Variants in CNTNAP5 observed in about 807,000 individuals in gnomAD.
The protein encoded by CNTNAP5 is contactin associated protein family member 5.
CNTNAP5 carries 72 observed loss-of-function variants against 150.2 expected under a neutral mutation model. The ratio of observed to expected loss-of-function variants is 0.48; its 90% confidence interval spans 0.40 to 0.58. The LOEUF (loss-of-function observed/expected upper bound fraction) is 0.58, where lower values mean the gene tolerates loss of function less well. Ranked by LOEUF, CNTNAP5 falls within the 20% of genes least tolerant of loss-of-function variation. CNTNAP5 has a pLI of 0.00. For synonymous variants in CNTNAP5, 672 were observed against 619.8 expected, an observed-to-expected ratio of 1.08 and a Z score of -1.25; for missense variants, 1,636 against 1,626.2, an observed-to-expected ratio of 1.01 and a Z score of -0.10.
chr2:124,192,287 C>A (rs1294547894), intron 1 of CNTNAP5, among the ~76,000 whole-genome samples: 1 of 152,146 alleles, frequency 6.6e-6, no homozygotes, highest in Non-Finnish European at 1.5e-5. Flanking sequence ...CTCTCTGCTA[C>A]CACAGTTGGC....
intron 1 of CNTNAP5, among the ~76,000 whole-genome samples, chr2:124,180,309 G>C (rs1385643090): frequency 6.6e-6 from 1 of 152,082 alleles, no homozygotes; most frequent in African/African-American, 2.4e-5. Flanking sequence ...TTGTTTTCTG[G>C]AAGCGCTTGG....
intron 1 of CNTNAP5, among the ~76,000 whole-genome samples, chr2:124,029,822 T>C (rs1265723689): frequency 6.6e-6 from 1 of 152,092 alleles, no homozygotes; most frequent in African/African-American, 2.4e-5. Flanking sequence ...AGTCTTCGAG[T>C]TGATAAGCCA....
chr2:124,781,062 T>C (rs2104620340), intron 17 of CNTNAP5, among the ~76,000 whole-genome samples: 1 of 152,340 alleles, frequency 6.6e-6, no homozygotes, highest in South Asian at 2.1e-4. Context: ...TGAGGGACAG[T>C]GGTCTGATTC....
At chr2:124,306,330 C>T (rs959157431) in intron 3 of CNTNAP5, among the ~76,000 whole-genome samples, 1 of 152,140 alleles carries the variant, frequency 6.6e-6, no homozygotes, top group East Asian at 1.9e-4. Flanking sequence ...ATCTTTCCAC[C>T]TGGAAGTGAG....
chr2:124,396,919 C>A (rs116564570), intron 3 of CNTNAP5, among the ~76,000 whole-genome samples: 261 of 152,294 alleles, frequency 1.7e-3, no homozygotes, highest in African/African-American at 5.9e-3. Flanking sequence ...TGAACTATGA[C>A]AATCTGTGCA....
At chr2:124,100,968 A>T (rs1683049762) in intron 1 of CNTNAP5, among the ~76,000 whole-genome samples, 1 of 152,172 alleles carries the variant, frequency 6.6e-6, no homozygotes, top group Non-Finnish European at 1.5e-5. Context: ...TGATTCCTGA[A>T]TCGATGCACT....
At position 124,376,054 on chromosome 2, in the gene CNTNAP5, G is replaced by T. The variant is rs148706435; in HGVS notation, c.382-41389G>T. 2.0e-5 allele frequency among the ~76,000 whole-genome samples: 3 copies of T among 152,066 alleles called. No homozygotes were observed. The South Asian group carries it at 6.2e-4, about 32-fold the overall frequency. Reference sequence around the variant, plus strand: ...TATTTTTCATAAGAACTGAAACTGGGGAGAAGAAATAATATAGTAGATGAA... The same window carrying T: ...TATTTTTCATAAGAACTGAAACTGGTGAGAAGAAATAATATAGTAGATGAA... On this transcript the variant is annotated intron_variant, in intron 3 of 23. Coordinates refer to ENST00000682447, the MANE Select transcript of CNTNAP5 (RefSeq NM_001367498.1).
intron 18 of CNTNAP5, among the ~76,000 whole-genome samples, chr2:124,790,536 A>G (rs985616194): frequency 6.6e-6 from 1 of 152,192 alleles, no homozygotes; most frequent in South Asian, 2.1e-4. Flanking sequence ...TACTTAAGCC[A>G]TCTTAAATTA....
intron 13 of CNTNAP5, among the ~76,000 whole-genome samples, chr2:124,715,372 T>A (rs896506629): frequency 6.6e-6 from 1 of 152,198 alleles, no homozygotes; most frequent in African/African-American, 2.4e-5. Flanking sequence ...TCTCACATGA[T>A]GTTTTTGGGT....
intron 22 of CNTNAP5, among the ~76,000 whole-genome samples, chr2:124,904,694 G>T (rs1361464259): frequency 6.6e-6 from 1 of 152,040 alleles, no homozygotes; most frequent in South Asian, 2.1e-4. Context: ...AATAGAATTG[G>T]ACCTTTATCT....
chr2:124,711,164 G>A (rs1460368988), intron 13 of CNTNAP5, among the ~76,000 whole-genome samples: 3 of 151,988 alleles, frequency 2.0e-5, no homozygotes, highest in South Asian at 2.1e-4. Context: ...CCAGCTATTC[G>A]GGAGGCTGAG....
At chr2:124,792,031 G>T (rs1375359359) in intron 18 of CNTNAP5, among the ~76,000 whole-genome samples, 2 of 152,168 alleles carry the variant, frequency 1.3e-5, no homozygotes, top group Non-Finnish European at 2.9e-5. Flanking sequence ...GAAATGGGAA[G>T]CCAGTGGCTA....
chr2:124,805,065 T>A (rs772841411), intron 19 of CNTNAP5, among the ~76,000 whole-genome samples: 38 of 152,170 alleles, frequency 2.5e-4, no homozygotes, highest in Non-Finnish European at 7.3e-5. Context: ...TATGAAATAC[T>A]CCTCTTTGTA....
At chr2:124,501,024 C>T (rs537254638) in intron 7 of CNTNAP5, among the ~76,000 whole-genome samples, 7 of 152,164 alleles carry the variant, frequency 4.6e-5, no homozygotes, top group Admixed American at 4.6e-4. Context: ...AGACTGACTT[C>T]CTTTTTGGAC....
chr2:124,272,685 A>G (rs1687789441), intron 3 of CNTNAP5, among the ~76,000 whole-genome samples: 3 of 152,210 alleles, frequency 2.0e-5, no homozygotes, highest in Admixed American at 2.0e-4. Flanking sequence ...CAGTGCTCTG[A>G]GCCTGTTTCC....
At chr2:124,220,039 G>C (rs1391346799) in intron 1 of CNTNAP5, among the ~76,000 whole-genome samples, 1 of 151,812 alleles carries the variant, frequency 6.6e-6, no homozygotes, top group African/African-American at 2.4e-5. Context: ...TACACTTAAT[G>C]AACAATAATT....
intron 3 of CNTNAP5, among the ~76,000 whole-genome samples, chr2:124,330,447 T>C (rs949264220): frequency 1.4e-4 from 21 of 152,172 alleles, no homozygotes; most frequent in African/African-American, 4.6e-4. Context: ...TGGAAGGGAA[T>C]GGTGGGAAGT....
intron 10 of CNTNAP5, among the ~76,000 whole-genome samples, chr2:124,551,621 A>C (rs1364569349): frequency 6.6e-6 from 1 of 152,210 alleles, no homozygotes; most frequent in Non-Finnish European, 1.5e-5. Context: ...CTCCAAGGAA[A>C]GCATATAGAA....
At chr2:124,448,283 A>ATAATAG (rs2104807901) in intron 6 of CNTNAP5, among the ~76,000 whole-genome samples, 1 of 149,870 alleles carries the variant, frequency 6.7e-6, no homozygotes, top group African/African-American at 2.4e-5. Context: ...AATAATAATA[A>ATAATAG]TAATAATAAT....
Sources: allele counts gnomAD v4.1 joint callset (sites outside exome capture counted in the v4.1 genomes callset), GRCh38; gene constraint gnomAD v4.1.1; transcripts MANE v1.5; gene names NCBI Gene and HGNC (gene_info 2026-07-23, HGNC 2026-07-21).